RNF180: variants seen among roughly 807,000 people sequenced by gnomAD.
RNF180 encodes the protein ring finger protein 180, also known as E3 ubiquitin-protein ligase RNF180.
In RNF180, 38 loss-of-function variants were observed where a neutral mutation model predicts 59.2. The observed-to-expected ratio is 0.64, with a 90% CI of 0.50 to 0.84. The LOEUF (loss-of-function observed/expected upper bound fraction) is 0.84, where lower values mean the gene tolerates loss of function less well. Ranked by LOEUF, RNF180 falls within the 40% of genes least tolerant of loss-of-function variation. The pLI, the probability that RNF180 is intolerant of heterozygous loss-of-function variation, is 0.00. For synonymous variants in RNF180, 262 were observed against 240.3 expected (o/e 1.09, Z -0.84); for missense variants, 705 against 700.9 (o/e 1.01, Z -0.07).
Position 64,325,071 on chromosome 5 carries a change from G to T in RNF180, c.1228-115G>T, listed in dbSNP as rs527488230. On this transcript the variant is annotated intron_variant, in intron 5 of 7. Transcript: ENST00000389100. ...GTAGCATTTCTGGCACTTTGAATAT[G>T]CCACAGTTTATATGCTTCTCAAATA... The T allele has an allele frequency of 9.4e-6, 6 of 639,510 alleles. No individual in the cohort carries two copies. The South Asian group carries it at 1.2e-4, about 13-fold the overall frequency. The allele number at this position is 639,510 out of a possible 1,614,324, so 39.6% of individuals were successfully genotyped here.
intron 5 of RNF180, among the ~76,000 whole-genome samples, chr5:64,298,301 G>A (rs979042389): frequency 6.6e-6 from 1 of 151,934 alleles, no homozygotes; most frequent in Non-Finnish European, 1.5e-5. Context: ...GAATAGTGCT[G>A]CAGTAAACAT....
At chr5:64,258,867 A>G (rs1744150226) in intron 5 of RNF180, among the ~76,000 whole-genome samples, 1 of 152,218 alleles carries the variant, frequency 6.6e-6, no homozygotes, top group Admixed American at 6.5e-5. Context: ...CACCATCATT[A>G]AGGGATGGAA....
chr5:64,246,572 A>G (rs1743181672), intron 5 of RNF180, among the ~76,000 whole-genome samples: 2 of 152,346 alleles, frequency 1.3e-5, no homozygotes, highest in South Asian at 2.1e-4. Flanking sequence ...AAGATATTCT[A>G]TCCCTGAATA....
At chr5:64,173,973 C>T (rs771828129) in intron 1 of RNF180, among the ~76,000 whole-genome samples, 6 of 152,116 alleles carry the variant, frequency 3.9e-5, no homozygotes, top group Non-Finnish European at 7.4e-5. Context: ...CTTGGCCTCC[C>T]GAATTGCTGG....
chr5:64,202,217 T>C (rs931407729), intron 2 of RNF180, among the ~76,000 whole-genome samples: 6 of 152,230 alleles, frequency 3.9e-5, no homozygotes, highest in African/African-American at 1.4e-4. Flanking sequence ...CTAGGTTTGC[T>C]TGTTCTTTAC....
At chr5:64,325,998 A>G (rs1235345782) in intron 6 of RNF180, among the ~76,000 whole-genome samples, 1 of 152,228 alleles carries the variant, frequency 6.6e-6, no homozygotes, top group African/African-American at 2.4e-5. Context: ...AATGTGGAAC[A>G]TAGAGAATGA....
chr5:64,199,976 T>C (rs1751658137), intron 1 of RNF180, among the ~76,000 whole-genome samples: 1 of 152,236 alleles, frequency 6.6e-6, no homozygotes, highest in African/African-American at 2.4e-5. Context: ...GTGGAGACTT[T>C]GTCGCTTTCA....
intron 5 of RNF180, among the ~76,000 whole-genome samples, chr5:64,259,404 C>G (rs1364436530): frequency 2.6e-5 from 4 of 151,976 alleles, no homozygotes; most frequent in African/African-American, 9.7e-5. Context: ...CTGCTCTAAG[C>G]CTGTTCTGAT....
intron 7 of RNF180, among the ~76,000 whole-genome samples, chr5:64,350,194 T>G: frequency 6.6e-6 from 1 of 152,146 alleles, no homozygotes; most frequent in Non-Finnish European, 1.5e-5. Flanking sequence ...TCATGTGTCT[T>G]TTGGGTGCAT....
intron 7 of RNF180, among the ~76,000 whole-genome samples, chr5:64,333,369 G>C (rs1282482537): frequency 6.6e-6 from 1 of 152,086 alleles, no homozygotes; most frequent in Non-Finnish European, 1.5e-5. Flanking sequence ...GTTTCGTCAT[G>C]TTGGCCAGGC....
chr5:64,258,277 A>T (rs1365233752), intron 5 of RNF180, among the ~76,000 whole-genome samples: 1 of 152,180 alleles, frequency 6.6e-6, no homozygotes, highest in African/African-American at 2.4e-5. Flanking sequence ...CTTACAAGGA[A>T]ATTTAAAAAA....
intron 5 of RNF180, among the ~76,000 whole-genome samples, chr5:64,226,019 G>A (rs565049283): frequency 1.8e-4 from 26 of 145,204 alleles, no homozygotes; most frequent in African/African-American, 5.4e-4. Flanking sequence ...GCCTCTGCCC[G>A]GCCGCCCCGT....
chr5:64,344,023 TAGAA>T (rs1745459476), intron 7 of RNF180, among the ~76,000 whole-genome samples: 2 of 151,252 alleles, frequency 1.3e-5, no homozygotes, highest in African/African-American at 2.4e-5. Context: ...TTAGGATAAA[TAGAA>T]AGAAAACCAT....
intron 5 of RNF180, among the ~76,000 whole-genome samples, chr5:64,259,660 C>T (rs1328712998): frequency 6.6e-6 from 1 of 152,136 alleles, no homozygotes; most frequent in Admixed American, 6.6e-5. Context: ...CAGTGGCTCA[C>T]ACCTGTAATC....
At chr5:64,232,214 G>A (rs1561206219) in intron 5 of RNF180, among the ~76,000 whole-genome samples, 1 of 152,208 alleles carries the variant, frequency 6.6e-6, no homozygotes. Context: ...ATTTAGGGAA[G>A]AGATGGATAT....
intron 1 of RNF180, among the ~76,000 whole-genome samples, chr5:64,171,374 G>A (rs1358771563): frequency 1.3e-5 from 2 of 152,196 alleles, no homozygotes; most frequent in Admixed American, 6.5e-5. Flanking sequence ...ACTTTTGGCA[G>A]TTTTGTTTTA....
chr5:64,183,566 A>C (rs1198600810), intron 1 of RNF180, among the ~76,000 whole-genome samples: 1 of 147,080 alleles, frequency 6.8e-6, no homozygotes, highest in Non-Finnish European at 1.5e-5. Context: ...TCATGTCTCA[A>C]CCTCTTGAGT....
At chr5:64,242,663 T>C (rs970323761) in intron 5 of RNF180, among the ~76,000 whole-genome samples, 2 of 152,114 alleles carry the variant, frequency 1.3e-5, no homozygotes, top group Non-Finnish European at 2.9e-5. Flanking sequence ...AGAAAGCTTA[T>C]CTAAAGAAAC....
chr5:64,305,229 GTAGGTATACTAGA>G (rs2112465392), intron 5 of RNF180, among the ~76,000 whole-genome samples: 1 of 151,638 alleles, frequency 6.6e-6, no homozygotes, highest in South Asian at 2.1e-4. Context: ...TCTCCAAGGT[GTAGGTATACTAGA>G]TTTGGTCTTT....
Sources: gnomAD v4.1 joint callset for allele counts (sites outside exome capture counted in the v4.1 genomes callset) on GRCh38, gnomAD v4.1.1 for gene constraint, MANE v1.5 for transcripts, NCBI Gene and HGNC (gene_info 2026-07-23, HGNC 2026-07-21) for gene names.